Variants in LRRC37B observed in about 807,000 individuals in gnomAD.
LRRC37B encodes the protein leucine rich repeat containing 37B, also known as leucine-rich repeat-containing protein 37B.
A neutral mutation model predicts 98.3 loss-of-function variants in LRRC37B; 28 were observed. The observed-to-expected ratio is 0.28, with a 90% CI of 0.21 to 0.39. The LOEUF is 0.39. Among genes scored for constraint, LRRC37B ranks in the 10% least tolerant of loss-of-function variants. The pLI, the probability that LRRC37B is intolerant of heterozygous loss-of-function variation, is 1.00. For synonymous variants in LRRC37B, 364 were observed against 442.7 expected (o/e 0.82, Z 2.23); for missense variants, 938 against 1,182.7 (o/e 0.79, Z 3.03).
At chr17:32,048,367 G>C (rs1245377853) in intron 9 of LRRC37B, among the ~76,000 whole-genome samples, 3 of 149,416 alleles carry the variant, frequency 2.0e-5, no homozygotes, top group Non-Finnish European at 4.4e-5. Flanking sequence ...AGCTGGAACA[G>C]CCTCACATAG....
Position 32,047,518 on chromosome 17 carries a change from A to G in LRRC37B, c.2324-243A>G, listed in dbSNP as rs576451677. The G allele has an allele frequency of 1.7e-4, 94 of 540,016 alleles. 1 individual carries two copies. Among genetic ancestry groups the G allele is most frequent in the African/African-American group, 1.5e-3 (79 of 52,462 alleles). 33.5% of individuals were successfully genotyped at this position (540,016 alleles called of 1,614,324 possible). A position where few individuals can be genotyped will look rare whatever the true frequency, so the allele number is the denominator to read the frequency against. ...ATTGGCCCCTGGGGATCAACGGAATAATCCTAAGCAGAGTTACTCTATGTC... is the reference window on the plus strand; with the variant it reads ...ATTGGCCCCTGGGGATCAACGGAATGATCCTAAGCAGAGTTACTCTATGTC... On this transcript the variant is annotated intron_variant, in intron 8 of 11. Coordinates refer to ENST00000327564, the Ensembl canonical transcript of LRRC37B.
chr17:32,008,966 G>T (rs1488425490), intron 1 of LRRC37B, among the ~76,000 whole-genome samples: 1 of 152,162 alleles, frequency 6.6e-6, no homozygotes, highest in African/African-American at 2.4e-5. Context: ...ATACCTAGGA[G>T]TATGATTTCC....
chr17:32,049,613 T>A (rs1911689644), intron 10 of LRRC37B, among the ~76,000 whole-genome samples: 1 of 152,144 alleles, frequency 6.6e-6, no homozygotes, highest in South Asian at 2.1e-4. Flanking sequence ...ATGCCTGTAA[T>A]CCCAGCACTT....
At chr17:32,047,626 T>C in intron 8 of LRRC37B, 135 bp from the exon 12 acceptor site, 1 of 1,312,014 alleles carries the variant, frequency 7.6e-7, no homozygotes, top group South Asian at 1.3e-5. Flanking sequence ...TTTGGGTGTA[T>C]GTTTCTCCTC....
upstream of LRRC37B, chr17:32,017,101 C>T (rs1462969428): frequency 1.3e-5 from 2 of 152,158 alleles, no homozygotes; most frequent in African/African-American, 2.4e-5. Flanking sequence ...CAAAGGTATC[C>T]CTTGCACACA....
chr17:32,031,262 T>G lies in LRRC37B; in HGVS notation c.1977-116T>G, dbSNP rs1911099148. 1.0e-5 allele frequency: 15 copies of G among 1,481,224 alleles called. No individual in the cohort carries two copies. The East Asian group carries it at 3.7e-4, about 36-fold the overall frequency. 91.8% of individuals were successfully genotyped at this position (1,481,224 alleles called of 1,614,324 possible). A position where few individuals can be genotyped will look rare whatever the true frequency, so the allele number is the denominator to read the frequency against. ...AGTATCTTCCACAGTGAGATTGCCTTAGTGCACAGAGAAAAGATTGAGGTG... is the reference window on the plus strand; with the variant it reads ...AGTATCTTCCACAGTGAGATTGCCTGAGTGCACAGAGAAAAGATTGAGGTG... On this transcript the variant is annotated intron_variant, in intron 4 of 11. Transcript: ENST00000327564.
At chr17:32,051,528 A>G (rs1427800641) in intron 11 of LRRC37B, 1 of 151,208 alleles carries the variant, frequency 6.6e-6, no homozygotes, top group African/African-American at 2.4e-5. Flanking sequence ...TGAATATTCC[A>G]GCCCTCCTGA....
intron 1 of LRRC37B, 76 bp downstream of exon 4, chr17:32,022,901 CCTT>C: frequency 7.2e-7 from 1 of 1,397,460 alleles, no homozygotes; most frequent in Non-Finnish European, 1.0e-6. Flanking sequence ...CCTTCCTGGG[CCTT>C]CTTTATCTCC....
At chr17:32,019,239 A>C (rs181388522), upstream of LRRC37B, among the ~76,000 whole-genome samples, 14 of 152,242 alleles carry the variant, frequency 9.2e-5, no homozygotes, top group African/African-American at 3.4e-4. Flanking sequence ...CATTGTTATC[A>C]TTTATACAGT....
upstream of LRRC37B, among the ~76,000 whole-genome samples, chr17:32,019,914 C>T (rs142618218): frequency 3.1e-4 from 47 of 152,114 alleles, no homozygotes; most frequent in Admixed American, 1.1e-3. Flanking sequence ...GGCAATGTTG[C>T]GATCTCGGCT....
chr17:32,046,617 T>TA (rs1911591378), intron 8 of LRRC37B, among the ~76,000 whole-genome samples: 4 of 150,752 alleles, frequency 2.7e-5, no homozygotes, highest in Non-Finnish European at 5.9e-5. Context: ...TTTTTTTTTT[T>TA]ACCAATTATA....
At chr17:32,021,463 A>G (rs1206811662) in exon 1 of LRRC37B, 1 of 1,614,046 alleles carries the variant, frequency 6.2e-7, no homozygotes, top group Admixed American at 1.7e-5. Flanking sequence ...TCAGCTGGAG[A>G]GCTGCCCCTG....
chr17:32,022,312 C>A, exon 1 of LRRC37B: 1 of 1,613,982 alleles, frequency 6.2e-7, no homozygotes, highest in Non-Finnish European at 8.5e-7. Flanking sequence ...ACTACAGATC[C>A]TCCTCCAGAA....
chr17:32,050,428 C>G (rs1911720270), intron 11 of LRRC37B: 1 of 254,386 alleles, frequency 3.9e-6, no homozygotes, highest in South Asian at 4.3e-5. Context: ...ACCCCTTACT[C>G]TGCCACTAAT....
exon 9 of LRRC37B, chr17:32,047,883 A>G: frequency 6.2e-7 from 1 of 1,614,120 alleles, no homozygotes; most frequent in Non-Finnish European, 8.5e-7. Context: ...CAGTGGCATC[A>G]ACTTGTCAGG....
At chr17:32,044,915 C>A in intron 7 of LRRC37B, among the ~76,000 whole-genome samples, 1 of 151,982 alleles carries the variant, frequency 6.6e-6, no homozygotes, top group Non-Finnish European at 1.5e-5. Context: ...ATAACTTTTC[C>A]CTTTGATAAT....
At chr17:32,021,684 T>C in exon 1 of LRRC37B, 1 of 1,614,228 alleles carries the variant, frequency 6.2e-7, no homozygotes, top group East Asian at 2.2e-5. Context: ...CAGTAAGGTT[T>C]CAAGACCAAC....
exon 6 of LRRC37B, chr17:32,034,949 A>C (rs201112439): frequency 2.2e-4 from 359 of 1,612,096 alleles, no homozygotes; most frequent in Non-Finnish European, 2.9e-4. Context: ...TCGAAGATCC[A>C]TATCTCTTTG....
upstream of LRRC37B, among the ~76,000 whole-genome samples, chr17:32,007,526 C>T (rs924870164): frequency 2.6e-5 from 4 of 152,136 alleles, no homozygotes; most frequent in South Asian, 8.3e-4. This position sits in a 1 kb window ranked among gnomAD's most constrained non-coding sequence, Gnocchi z 4.1. Flanking sequence ...CCTCCCAACC[C>T]GGCCCCGGCG....
Sources: allele counts gnomAD v4.1 joint callset (sites outside exome capture counted in the v4.1 genomes callset), GRCh38; gene constraint gnomAD v4.1.1; non-coding constraint Gnocchi (gnomAD v3.1); transcripts MANE v1.5; gene names NCBI Gene and HGNC (gene_info 2026-07-23, HGNC 2026-07-21).